GRIA3: variants seen among roughly 807,000 people sequenced by gnomAD.
The protein encoded by GRIA3 is glutamate receptor 3.
In GRIA3, 3 loss-of-function variants were observed where a neutral mutation model predicts 63.0. The ratio of observed to expected loss-of-function variants is 0.05; its 90% CI spans 0.02 to 0.12. The LOEUF is 0.12. GRIA3 is among the 10% of genes least tolerant of loss of function. GRIA3 has a pLI of 1.00. For synonymous variants in GRIA3, 274 were observed against 257.9 expected (o/e 1.06, Z -0.60); for missense variants, 347 against 700.9 (o/e 0.50, Z 5.70).
At chrX:123,281,071 A>G (rs2044583311) in intron 3 of GRIA3, among the ~76,000 whole-genome samples, 1 of 111,341 alleles carries the variant, frequency 9.0e-6, no homozygotes, top group South Asian at 3.8e-4. Flanking sequence ...TAGTTTTACT[A>G]TATTTGTATT....
At chrX:123,462,379 C>T (rs937306846) in intron 12 of GRIA3, among the ~76,000 whole-genome samples, 2 of 112,000 alleles carry the variant, frequency 1.8e-5, no homozygotes, top group African/African-American at 6.5e-5. Flanking sequence ...CACCTAAGCT[C>T]ATTTCCTACG....
At chrX:123,453,732 C>T (rs369800504) in intron 12 of GRIA3, among the ~76,000 whole-genome samples, 4 of 110,317 alleles carry the variant, frequency 3.6e-5, no homozygotes, top group Non-Finnish European at 7.6e-5. Context: ...GAGGAGATCA[C>T]ACTTTTGTAT....
At position 123,354,954 on chromosome X, in the gene GRIA3, C is replaced by T. The variant is rs191150303; in HGVS notation, c.741C>T (p.Leu247=). 5 of 1,186,093 alleles carry T rather than the reference C, an allele frequency of 4.2e-6. No individual in the cohort carries two copies. The highest frequency in any genetic ancestry group is 3.0e-5 in the East Asian group (1 of 33,658). Residue 247 remains leucine (L), a synonymous_variant, in exon 5 of 16, where the codon CTC becomes CTT. Transcript: ENST00000620443. ...ACTCAAGAGGTTATCACTACATGCT[C>T]GCTAACCTGGTAAGAACAAGCAAGT... ...GKHSRGYHYM[L]ANLGFTDILL... is the part of the protein sequence containing the mutation.
At chrX:123,379,620 GT>G (rs369507360) in intron 5 of GRIA3, among the ~76,000 whole-genome samples, 18,371 of 67,017 alleles carry the variant, frequency 0.27, 1,689 homozygotes, top group Middle Eastern at 0.44. Context: ...CTAGCAACTT[GT>G]TTTTTTTTTT....
rs757616334 is a variant in GRIA3 at position 123,403,041 on chromosome X, A to T, written c.1128A>T (p.Gly376=). The change falls in exon 8 of 16, where the codon GGA becomes GGT. Residue 376 remains glycine, a synonymous_variant. Transcript: ENST00000620443. ...MTGNIQFDTY[G]RRTNYTIDVY... ...GAAATATTCAATTTGACACTTATGGACGTAGGACAAATTATACCATCGATG... is the reference window on the plus strand; with the variant it reads ...GAAATATTCAATTTGACACTTATGGTCGTAGGACAAATTATACCATCGATG... 4 of 1,176,903 alleles carry T rather than the reference A, an allele frequency of 3.4e-6. No individual in the cohort carries two copies. In the East Asian group the frequency reaches 1.2e-4, roughly 35 times the overall value.
At chrX:123,273,282 C>T (rs1427572223) in intron 3 of GRIA3, among the ~76,000 whole-genome samples, 1 of 111,417 alleles carries the variant, frequency 9.0e-6, no homozygotes, top group Non-Finnish European at 1.9e-5. Context: ...CTGTGCTGCC[C>T]CTCTCTCAGG....
intron 13 of GRIA3, among the ~76,000 whole-genome samples, chrX:123,471,063 C>T (rs1157605781): frequency 9.0e-6 from 1 of 111,480 alleles, no homozygotes; most frequent in Non-Finnish European, 1.9e-5. Context: ...TTGTGCTCTT[C>T]GTTGGTTTGC....
chrX:123,299,934 A>G, intron 3 of GRIA3, among the ~76,000 whole-genome samples: 1 of 111,193 alleles, frequency 9.0e-6, no homozygotes, highest in East Asian at 2.8e-4. Flanking sequence ...GTTTTTTAAC[A>G]TAAACAGATG....
chrX:123,445,944 C>T (rs73541971), intron 12 of GRIA3, among the ~76,000 whole-genome samples: 4,455 of 111,833 alleles, frequency 0.04, 201 homozygotes, highest in African/African-American at 0.13. Flanking sequence ...TGTTATATAA[C>T]GGAAGACATA....
At chrX:123,438,526 A>G (rs1371265853) in intron 12 of GRIA3, among the ~76,000 whole-genome samples, 1 of 111,704 alleles carries the variant, frequency 9.0e-6, no homozygotes, top group Non-Finnish European at 1.9e-5. Flanking sequence ...TATCTGCTAT[A>G]ACTTTTTTTT....
chrX:123,319,843 T>C (rs1300879769), intron 3 of GRIA3, among the ~76,000 whole-genome samples: 1 of 109,926 alleles, frequency 9.1e-6, no homozygotes, highest in Non-Finnish European at 1.9e-5. Context: ...AGGCCTGCTT[T>C]AATATGCCAC....
intron 3 of GRIA3, among the ~76,000 whole-genome samples, chrX:123,255,317 TGTGTTCAG>T (rs1421323039): frequency 2.7e-5 from 3 of 111,663 alleles, no homozygotes; most frequent in Non-Finnish European, 5.6e-5. Context: ...AGGAACACTG[TGTGTTCAG>T]GTAGAGCCCT....
At chrX:123,456,812 C>A (rs1428357628) in intron 12 of GRIA3, among the ~76,000 whole-genome samples, 1 of 111,281 alleles carries the variant, frequency 9.0e-6, no homozygotes, top group Non-Finnish European at 1.9e-5. Context: ...ACATTTGCTC[C>A]TGAATGTTAG....
chrX:123,391,378 A>G (rs1345689183), intron 5 of GRIA3, among the ~76,000 whole-genome samples: 1 of 111,560 alleles, frequency 9.0e-6, no homozygotes, highest in Non-Finnish European at 1.9e-5. Context: ...GGTATGTGCA[A>G]TAATATAGTC....
intron 3 of GRIA3, among the ~76,000 whole-genome samples, chrX:123,276,499 A>G (rs1171625731): frequency 8.9e-6 from 1 of 112,073 alleles, no homozygotes; most frequent in African/African-American, 3.2e-5. Context: ...AGGTATGCCT[A>G]TTCTATGCCA....
chrX:123,403,148 A>G (rs375253927), intron 8 of GRIA3, 50 bp downstream of exon 8: 15 of 696,928 alleles, frequency 2.2e-5, no homozygotes, highest in Non-Finnish European at 3.5e-5. Context: ...GAAAGAGGAC[A>G]GCATTTGGAT....
intron 3 of GRIA3, among the ~76,000 whole-genome samples, chrX:123,294,044 G>C (rs1272435889): frequency 1.8e-5 from 1 of 56,205 alleles, no homozygotes; most frequent in Non-Finnish European, 3.3e-5. Context: ...GCAACAAAGA[G>C]TCCTTGCTAA....
chrX:123,279,735 G>C (rs2044574472), intron 3 of GRIA3, among the ~76,000 whole-genome samples: 1 of 110,889 alleles, frequency 9.0e-6, no homozygotes, highest in African/African-American at 3.3e-5. Flanking sequence ...CAGCAGAATA[G>C]CACAACAAAG....
At chrX:123,462,666 C>A (rs754596512) in intron 12 of GRIA3, among the ~76,000 whole-genome samples, 2 of 111,330 alleles carry the variant, frequency 1.8e-5, no homozygotes, top group African/African-American at 6.5e-5. Context: ...AAGTTCCAGC[C>A]CCCCCTGGAA....
Sources: gnomAD v4.1 joint callset for allele counts (sites outside exome capture counted in the v4.1 genomes callset) on GRCh38, gnomAD v4.1.1 for gene constraint, MANE v1.5 for transcripts, NCBI Gene and HGNC (gene_info 2026-07-23, HGNC 2026-07-21) for gene names.